The following CSMD1 variants were observed in gnomAD, a reference collection of about 807,000 sequenced individuals.
The protein encoded by CSMD1 is CUB and Sushi multiple domains 1.
In CSMD1, 213 loss-of-function variants were observed where a neutral mutation model predicts 417.5. The ratio of observed to expected loss-of-function variants is 0.51; its 90% CI spans 0.46 to 0.57. The LOEUF is 0.57. Ranked by LOEUF, CSMD1 falls within the 20% of genes least tolerant of loss-of-function variation. The probability of loss-of-function intolerance (pLI) is 0.00; values close to 1 mark genes in which losing one functional copy is unlikely to be tolerated. For synonymous variants in CSMD1, 2,862 were observed against 1,736.8 expected (o/e 1.65, Z -16.11); for missense variants, 6,923 against 4,529.7 (o/e 1.53, Z -15.17).
chr8:3,679,046 A>G (rs1799521328), intron 7 of CSMD1, among the ~76,000 whole-genome samples: 1 of 152,194 alleles, frequency 6.6e-6, no homozygotes, highest in African/African-American at 2.4e-5. Flanking sequence ...CTAAACATGG[A>G]AAGGAACAAC....
chr8:3,208,035 TCTTTC>T (rs1262833878), intron 30 of CSMD1, among the ~76,000 whole-genome samples: 21 of 152,164 alleles, frequency 1.4e-4, no homozygotes, highest in Admixed American at 1.4e-3. Flanking sequence ...GTCAGACCTA[TCTTTC>T]CTTTTCCTCA....
chr8:3,280,508 T>C (rs1802650052), intron 26 of CSMD1, among the ~76,000 whole-genome samples: 2 of 152,154 alleles, frequency 1.3e-5, no homozygotes, highest in Admixed American at 1.3e-4. Flanking sequence ...TTTAAATGCC[T>C]CAGAGTCAAT....
chr8:4,984,755 C>A (rs2977730), intron 1 of CSMD1, among the ~76,000 whole-genome samples: 1 of 152,100 alleles, frequency 6.6e-6, no homozygotes, highest in East Asian at 1.9e-4. Context: ...GGAGGATGAA[C>A]AGCAGAAGGA....
At chr8:4,335,011 C>A (rs1016108544) in intron 3 of CSMD1, among the ~76,000 whole-genome samples, 3 of 152,066 alleles carry the variant, frequency 2.0e-5, no homozygotes, top group African/African-American at 7.2e-5. Flanking sequence ...CCTAAGTGAT[C>A]TTGTTTTAGC....
At chr8:4,159,588 C>G (rs534854606) in intron 3 of CSMD1, among the ~76,000 whole-genome samples, 12 of 152,166 alleles carry the variant, frequency 7.9e-5, no homozygotes, top group African/African-American at 2.7e-4. Context: ...GGATTGCAGA[C>G]CATTATTATT....
intron 11 of CSMD1, among the ~76,000 whole-genome samples, chr8:3,478,206 A>G (rs1036443505): frequency 1.3e-5 from 2 of 152,224 alleles, no homozygotes; most frequent in Non-Finnish European, 2.9e-5. Flanking sequence ...AATCATTTAC[A>G]ATCGCTATTT....
At chr8:3,604,855 G>C (rs1326662070) in intron 8 of CSMD1, among the ~76,000 whole-genome samples, 1 of 152,098 alleles carries the variant, frequency 6.6e-6, no homozygotes, top group Non-Finnish European at 1.5e-5. Flanking sequence ...GTTATCTAGG[G>C]GGCTCTAGCT....
At chr8:3,035,134 T>G (rs1810588024) in intron 50 of CSMD1, among the ~76,000 whole-genome samples, 1 of 152,286 alleles carries the variant, frequency 6.6e-6, no homozygotes, top group South Asian at 2.1e-4. Context: ...TGGTTCTTTC[T>G]AACAAAAATA....
intron 3 of CSMD1, among the ~76,000 whole-genome samples, chr8:4,158,738 C>A (rs186022742): frequency 7.3e-4 from 111 of 152,212 alleles, no homozygotes; most frequent in African/African-American, 2.6e-3. Context: ...CCCATGAGAA[C>A]CACCATCATC....
At chr8:4,053,142 G>C (rs977459443) in intron 3 of CSMD1, among the ~76,000 whole-genome samples, 2 of 152,204 alleles carry the variant, frequency 1.3e-5, no homozygotes, top group African/African-American at 2.4e-5. Context: ...CATGGGTGCA[G>C]TGTACAGTTA....
intron 1 of CSMD1, among the ~76,000 whole-genome samples, chr8:4,913,822 C>G (rs1006544204): frequency 1.2e-4 from 19 of 152,326 alleles, no homozygotes; most frequent in African/African-American, 4.6e-4. Context: ...TTTGGGGCTT[C>G]ATAACCAGAA....
At chr8:4,516,980 C>G (rs1803160232) in intron 2 of CSMD1, among the ~76,000 whole-genome samples, 2 of 152,042 alleles carry the variant, frequency 1.3e-5, no homozygotes, top group African/African-American at 4.8e-5. Flanking sequence ...GATGAAAACG[C>G]TAAGAGCAGT....
At chr8:3,047,502 A>G (rs1472523296) in intron 50 of CSMD1, among the ~76,000 whole-genome samples, 1 of 152,100 alleles carries the variant, frequency 6.6e-6, no homozygotes, top group African/African-American at 2.4e-5. Context: ...ACGCTCAGTG[A>G]GGGGTTGCGA....
chr8:4,710,027 T>C (rs1340191225), intron 1 of CSMD1, among the ~76,000 whole-genome samples: 1 of 152,134 alleles, frequency 6.6e-6, no homozygotes, highest in East Asian at 1.9e-4. Flanking sequence ...ATAGTTCAAA[T>C]AGGCCACTAA....
At chr8:3,064,644 A>G (rs555506264) in intron 49 of CSMD1, among the ~76,000 whole-genome samples, 7 of 152,352 alleles carry the variant, frequency 4.6e-5, no homozygotes, top group African/African-American at 1.7e-4. Context: ...GGTTGATAAG[A>G]ATGTTGACTA....
chr8:4,890,028 A>T (rs1358310619), intron 1 of CSMD1, among the ~76,000 whole-genome samples: 2 of 152,120 alleles, frequency 1.3e-5, no homozygotes, highest in African/African-American at 2.4e-5. Context: ...ATATTTCCTG[A>T]GGTTCTTGAG....
At chr8:4,262,223 T>C (rs1803936342) in intron 3 of CSMD1, among the ~76,000 whole-genome samples, 1 of 152,210 alleles carries the variant, frequency 6.6e-6, no homozygotes, top group Admixed American at 6.5e-5. Context: ...CACACTTGAC[T>C]TGGATCTGAG....
At chr8:3,704,167 G>A (rs1801031999) in intron 7 of CSMD1, among the ~76,000 whole-genome samples, 1 of 152,168 alleles carries the variant, frequency 6.6e-6, no homozygotes, top group African/African-American at 2.4e-5. Flanking sequence ...CAGTTAGACA[G>A]TGAAGGCTGG....
At chr8:3,023,728 T>C (rs996553892) in intron 51 of CSMD1, among the ~76,000 whole-genome samples, 1 of 152,102 alleles carries the variant, frequency 6.6e-6, no homozygotes, top group African/African-American at 2.4e-5. Flanking sequence ...CCTCTTCATC[T>C]GGAGCTACCT....
Sources: gnomAD v4.1 joint callset for allele counts (sites outside exome capture counted in the v4.1 genomes callset) on GRCh38, gnomAD v4.1.1 for gene constraint, MANE v1.5 for transcripts, NCBI Gene and HGNC (gene_info 2026-07-23, HGNC 2026-07-21) for gene names.